The following RPS24 variants were observed in gnomAD, a reference collection of about 807,000 sequenced individuals.
RPS24 encodes small ribosomal subunit protein eS24.
For synonymous variants in RPS24, 72 were observed against 55.6 expected (o/e 1.30, Z -1.31); for missense variants, 100 against 162.5 (o/e 0.62, Z 2.09).
chr10:78,042,187 C>T (rs1184008979), downstream of RPS24, among the ~76,000 whole-genome samples: 1 of 152,218 alleles, frequency 6.6e-6, no homozygotes, highest in African/African-American at 2.4e-5. Context: ...TGGCAGGGCT[C>T]CAGGCTGGCT....
chr10:78,048,731 C>T (rs548643817), intron 4 of RPS24, among the ~76,000 whole-genome samples: 21 of 152,042 alleles, frequency 1.4e-4, no homozygotes, highest in Admixed American at 2.6e-4. Context: ...AAAAATTAGC[C>T]GGGCATGGGG....
downstream of RPS24, among the ~76,000 whole-genome samples, chr10:78,042,192 C>A (rs1316410035): frequency 1.3e-5 from 2 of 152,362 alleles, no homozygotes; most frequent in African/African-American, 2.4e-5. Context: ...GGGCTCCAGG[C>A]TGGCTGCATC....
intron 4 of RPS24, among the ~76,000 whole-genome samples, chr10:78,053,785 C>T (rs867138804): frequency 4.6e-5 from 7 of 152,078 alleles, no homozygotes; most frequent in African/African-American, 1.7e-4. Context: ...GTGTTGGGCA[C>T]AGTATATTGG....
At position 78,033,886 on chromosome 10, in the gene RPS24, A is replaced by T; in HGVS notation, c.-16A>T. Reference sequence around the variant, plus strand: ...TTCTCTTTTCCTCCTTGGCTGTCTGAAGATAGATCGCCATCATGGTGAGTC... The same window carrying T: ...TTCTCTTTTCCTCCTTGGCTGTCTGTAGATAGATCGCCATCATGGTGAGTC... On this transcript the variant is annotated 5_prime_UTR_variant, in exon 1 of 6. Transcript: ENST00000372360. 6.2e-7 allele frequency: 1 copy of T among 1,614,038 alleles called. No individual in the cohort carries two copies. Among genetic ancestry groups the T allele is most frequent in the Non-Finnish European group, 8.5e-7 (1 of 1,179,970 alleles).
intron 4 of RPS24, among the ~76,000 whole-genome samples, chr10:78,053,911 A>G (rs1471988163): frequency 6.6e-6 from 1 of 152,116 alleles, no homozygotes; most frequent in African/African-American, 2.4e-5. Flanking sequence ...CCACGAACCA[A>G]TTTGCAGAGC....
At position 78,048,266 on chromosome 10, in the gene RPS24, G is replaced by A. The variant is rs1395276262; in HGVS notation, c.391-6265G>A. 2.6e-5 allele frequency among the ~76,000 whole-genome samples: 4 copies of A among 152,156 alleles called. No homozygotes were observed. In the East Asian group the frequency reaches 7.7e-4, roughly 29 times the overall value. On this transcript the variant is annotated intron_variant, in intron 4 of 4. Coordinates refer to the RPS24 transcript ENST00000440692. Reference sequence around the variant, plus strand: ...CAGACATCCAGAATTTGCTTTTATAGGTTTCTATTCTGCACTGTTTGGAAG... The same window carrying A: ...CAGACATCCAGAATTTGCTTTTATAAGTTTCTATTCTGCACTGTTTGGAAG...
At chr10:78,054,827 T>G in exon 5 of RPS24, 2 of 1,551,720 alleles carry the variant, frequency 1.3e-6, no homozygotes, top group Non-Finnish European at 1.7e-6. Context: ...CACCTGCTCC[T>G]GCTGGTTCTC....
At chr10:78,053,369 C>T (rs747369404) in intron 4 of RPS24, among the ~76,000 whole-genome samples, 30 of 151,850 alleles carry the variant, frequency 2.0e-4, no homozygotes, top group Middle Eastern at 3.2e-3. Flanking sequence ...CCTTGAATGC[C>T]CAGAGCCTGT....
rs1287274126 is a variant in RPS24, at chr10:78,035,504, C to T, written c.70-7C>T. 3 of 1,613,772 alleles carry T rather than the reference C, an allele frequency of 1.9e-6. No homozygotes were observed. The highest frequency in any genetic ancestry group is 2.5e-6 in the Non-Finnish European group (3 of 1,179,794). On this transcript the variant is annotated splice_polypyrimidine_tract_variant and splice_region_variant and intron_variant, in intron 2 of 5. Coordinates refer to ENST00000372360, the MANE Select transcript of RPS24 (RefSeq NM_033022.4). ...TACTGAATGCTAAACTTGATATCTC[C>T]TTTTAGGTCATTGATGTCCTTCACC...
chr10:78,042,867 C>CT (rs1433857057), downstream of RPS24, among the ~76,000 whole-genome samples: 1 of 152,204 alleles, frequency 6.6e-6, no homozygotes, highest in East Asian at 1.9e-4. Flanking sequence ...ACTCTGCACT[C>CT]TTCCTTTCTT....
exon 5 of RPS24, chr10:78,055,119 T>G: frequency 7.0e-7 from 1 of 1,429,720 alleles, no homozygotes; most frequent in Non-Finnish European, 9.1e-7. Context: ...TCACATGAGC[T>G]GGCACCTCTG....
intron 4 of RPS24, among the ~76,000 whole-genome samples, chr10:78,053,655 G>C (rs1189736075): frequency 1.3e-5 from 2 of 152,292 alleles, no homozygotes; most frequent in Admixed American, 6.5e-5. Context: ...AGAGGAAATG[G>C]CAGAGCAGGA....
rs909136176 is a variant in RPS24, at chr10:78,037,311, T to A, written c.390+7T>A. On this transcript the variant is annotated splice_region_variant and intron_variant, in intron 4 of 5. Transcript: ENST00000372360. ...TGTTGGTGCTGGCAAAAAGGTATAG[T>A]TCATTAAGGAAAATATAGAAACGTC... 2 of 1,589,708 alleles carry A rather than the reference T, an allele frequency of 1.3e-6. No individual in the cohort carries two copies. Among genetic ancestry groups the A allele is most frequent in the Non-Finnish European group, 1.7e-6 (2 of 1,167,346 alleles).
Position 78,037,494 on chromosome 10 carries a change from T to C in RPS24, c.390+190T>C, listed in dbSNP as rs2131980247. 13 of 910,512 alleles carry C rather than the reference T, an allele frequency of 1.4e-5. No individual in the cohort carries two copies. In the South Asian group the frequency reaches 2.4e-4, roughly 17 times the overall value. The allele number at this position is 910,512 out of a possible 1,614,324, so 56.4% of individuals were successfully genotyped here. A position where few individuals can be genotyped will look rare whatever the true frequency, so the allele number is the denominator to read the frequency against. The stretch of plus-strand genomic sequence containing the variant: ...ATAGTGTCTTAACACCTCAGTAAAG[T>C]AGCTTGGCCCACCCCTTGTCAGCTC... On this transcript the variant is annotated intron_variant, in intron 4 of 5. Transcript: ENST00000372360.
At chr10:78,040,170 C>T in intron 4 of RPS24, 34 bp from the exon 5 acceptor site, 2 of 1,608,346 alleles carry the variant, frequency 1.2e-6, no homozygotes, top group Non-Finnish European at 1.7e-6. Context: ...CTTTTCCCTC[C>T]TTTCTCTTTT....
intron 1 of RPS24, among the ~76,000 whole-genome samples, chr10:78,034,920 G>C (rs1036601532): frequency 3.8e-4 from 58 of 152,338 alleles, no homozygotes; most frequent in African/African-American, 1.3e-3. Context: ...GGAACAGTTG[G>C]CTAAGTCTGG....
intron 4 of RPS24, 183 bp downstream of exon 4, chr10:78,037,487 A>G: frequency 3.0e-6 from 3 of 1,002,546 alleles, no homozygotes; most frequent in Non-Finnish European, 4.2e-6. Context: ...TTAACACCTC[A>G]GTAAAGTAGC....
Position 78,054,529 on chromosome 10 carries a change from A to T in RPS24, c.391-2A>T, listed in dbSNP as rs1228580232. 4.6e-6 allele frequency: 7 copies of T among 1,532,470 alleles called. No individual in the cohort carries two copies. Among genetic ancestry groups the T allele is most frequent in the Non-Finnish European group, 6.2e-6 (7 of 1,135,070 alleles). 94.9% of individuals were successfully genotyped at this position (1,532,470 alleles called of 1,614,324 possible). A position where few individuals can be genotyped will look rare whatever the true frequency, so the allele number is the denominator to read the frequency against. ...ACTATTCTCTCCTTCCCGCTTTTGCAGATGAGGGAATTGGGGCTTGGAGTG... is the reference window on the plus strand; with the variant it reads ...ACTATTCTCTCCTTCCCGCTTTTGCTGATGAGGGAATTGGGGCTTGGAGTG... On this transcript the variant is annotated splice_acceptor_variant, in intron 4 of 4. Transcript: ENST00000440692. LOFTEE classifies it high-confidence loss of function.
chr10:78,051,679 A>G (rs1348893033), intron 4 of RPS24, among the ~76,000 whole-genome samples: 1 of 152,240 alleles, frequency 6.6e-6, no homozygotes, highest in Non-Finnish European at 1.5e-5. Flanking sequence ...TGTTCCCACC[A>G]GCAATGTACG....
Sources: gnomAD v4.1 joint callset for allele counts (sites outside exome capture counted in the v4.1 genomes callset) on GRCh38, gnomAD v4.1.1 for gene constraint, MANE v1.5 for transcripts, NCBI Gene and HGNC (gene_info 2026-07-23, HGNC 2026-07-21) for gene names.